Variants in EYS observed in about 807,000 individuals in gnomAD.
EYS encodes protein eyes shut homolog.
EYS carries 250 observed loss-of-function variants against 282.1 expected under a neutral mutation model. The ratio of observed to expected loss-of-function variants is 0.89; its 90% CI spans 0.80 to 0.98. The LOEUF is 0.98. Among genes scored for constraint, EYS ranks in the 50% least tolerant of loss-of-function variants. The pLI is 0.00. For synonymous variants in EYS, 1,355 were observed against 1,282.9 expected (o/e 1.06, Z -1.20); for missense variants, 4,016 against 3,709.0 (o/e 1.08, Z -2.15).
intron 24 of EYS, among the ~76,000 whole-genome samples, chr6:64,603,071 C>A (rs1235799238): frequency 1.3e-5 from 2 of 151,980 alleles, no homozygotes; most frequent in East Asian, 3.9e-4. Flanking sequence ...TATGTAATAT[C>A]ATGGATGCTA....
chr6:64,380,508 A>C (rs1253704989), intron 29 of EYS, among the ~76,000 whole-genome samples: 4 of 152,204 alleles, frequency 2.6e-5, no homozygotes, highest in Non-Finnish European at 5.9e-5. Context: ...CTTTATGTGA[A>C]ATATAAACTT....
At chr6:65,682,909 C>T (rs1442912022) in intron 1 of EYS, among the ~76,000 whole-genome samples, 1 of 151,794 alleles carries the variant, frequency 6.6e-6, no homozygotes, top group Non-Finnish European at 1.5e-5. Flanking sequence ...GAAATATAAA[C>T]GCGGTCATGG....
chr6:64,481,830 T>G (rs1205997456), intron 26 of EYS, among the ~76,000 whole-genome samples: 3 of 151,788 alleles, frequency 2.0e-5, no homozygotes, highest in South Asian at 2.1e-4. Flanking sequence ...ATACCTACTT[T>G]GTGCAAATAA....
In EYS at chr6:64,902,216, T is replaced by TA; in HGVS notation, c.2742dup (p.Ile915TyrfsTer12). 1 of 1,549,440 alleles carries TA rather than the reference T, an allele frequency of 6.5e-7. No homozygotes were observed. The highest frequency in any genetic ancestry group is 8.7e-7 in the Non-Finnish European group (1 of 1,145,424). ...GATCCAGAAAACCCAGGTCTGCAAA[T>TA]ACACCTTTTAAACAAAAAATTTAGT... On this transcript the variant is annotated frameshift_variant, in exon 18 of 43. Coordinates refer to ENST00000503581, the MANE Select transcript of EYS (RefSeq NM_001142800.2). LOFTEE classifies it high-confidence loss of function.
chr6:64,938,330 G>A (rs1383588463), intron 15 of EYS, among the ~76,000 whole-genome samples: 3 of 150,036 alleles, frequency 2.0e-5, no homozygotes, highest in Non-Finnish European at 4.4e-5. Context: ...AGTATAATAA[G>A]ATATTTTGAG....
At chr6:64,272,973 C>A (rs1228017988) in intron 30 of EYS, among the ~76,000 whole-genome samples, 1 of 151,942 alleles carries the variant, frequency 6.6e-6, no homozygotes, top group Non-Finnish European at 1.5e-5. Flanking sequence ...CTTATTCATT[C>A]CCTTAATGTT....
chr6:64,619,432 C>T (rs936086117), intron 23 of EYS, among the ~76,000 whole-genome samples: 1 of 151,942 alleles, frequency 6.6e-6, no homozygotes, highest in Non-Finnish European at 1.5e-5. Context: ...TGTACTCAAC[C>T]CCACTAAAAT....
At chr6:64,303,570 C>T (rs1012939142) in intron 30 of EYS, among the ~76,000 whole-genome samples, 10 of 152,018 alleles carry the variant, frequency 6.6e-5, no homozygotes, top group East Asian at 1.9e-4. Flanking sequence ...TAGCCGGGCG[C>T]GGTGGCTCAC....
At chr6:65,398,054 C>T (rs940617491) in intron 7 of EYS, among the ~76,000 whole-genome samples, 4 of 151,912 alleles carry the variant, frequency 2.6e-5, no homozygotes, top group Non-Finnish European at 5.9e-5. Flanking sequence ...TTTATATCTT[C>T]TTTTAAAAAA....
intron 9 of EYS, among the ~76,000 whole-genome samples, chr6:65,344,932 T>C (rs768219258): frequency 2.6e-5 from 4 of 151,710 alleles, no homozygotes; most frequent in South Asian, 2.1e-4. Flanking sequence ...GAGGACAGTA[T>C]TTATCTAAAG....
intron 36 of EYS, among the ~76,000 whole-genome samples, chr6:63,851,624 T>C (rs1018136205): frequency 2.0e-5 from 3 of 152,150 alleles, no homozygotes; most frequent in African/African-American, 7.2e-5. Context: ...TTGAAACTAA[T>C]GAGAACAAAG....
chr6:63,970,344 C>T (rs1766503859), intron 35 of EYS, among the ~76,000 whole-genome samples: 1 of 152,134 alleles, frequency 6.6e-6, no homozygotes, highest in South Asian at 2.1e-4. Context: ...GATAGAAGAT[C>T]TGTGGGATGG....
intron 26 of EYS, among the ~76,000 whole-genome samples, chr6:64,585,132 A>C (rs568556751): frequency 1.3e-5 from 2 of 152,126 alleles, no homozygotes; most frequent in Non-Finnish European, 2.9e-5. Context: ...TGAATACTAC[A>C]CAGCCATAAA....
chr6:64,854,682 T>C (rs532288176), intron 19 of EYS, among the ~76,000 whole-genome samples: 29 of 152,052 alleles, frequency 1.9e-4, no homozygotes, highest in African/African-American at 6.5e-4. Flanking sequence ...ACATGGCACA[T>C]GTATACATAT....
intron 5 of EYS, among the ~76,000 whole-genome samples, chr6:65,485,763 C>G: frequency 6.6e-6 from 1 of 152,052 alleles, no homozygotes; most frequent in East Asian, 1.9e-4. Flanking sequence ...CGAGATTCAC[C>G]ACTGCACTCC....
At position 64,626,180 on chromosome 6, in the gene EYS, C is replaced by T. The variant is rs1767603582; in HGVS notation, c.3509G>A (p.Cys1170Tyr). ...ATCTTCACAGTCTGCACCATGTAGA[C>T]ATGGTGATGAAGAGCATTCATTTAT... ...ININECSSSP[C>Y]LHGADCEDHI... is the part of the protein sequence containing the mutation. Residue 1170 changes from cysteine to tyrosine, a missense_variant, in exon 23 of 43, where the codon TGT becomes TAT. Transcript: ENST00000503581. The T allele has an allele frequency of 1.3e-6, 2 of 1,544,390 alleles. No homozygotes were observed. Among genetic ancestry groups the T allele is most frequent in the Non-Finnish European group, 1.7e-6 (2 of 1,145,078 alleles).
At chr6:64,454,835 G>C (rs1264443270) in intron 26 of EYS, among the ~76,000 whole-genome samples, 1 of 152,052 alleles carries the variant, frequency 6.6e-6, no homozygotes, top group Non-Finnish European at 1.5e-5. Context: ...TTATCTTCTT[G>C]TATGTGGATA....
intron 31 of EYS, among the ~76,000 whole-genome samples, chr6:64,107,600 T>TA (rs1773073188): frequency 6.6e-6 from 1 of 152,002 alleles, no homozygotes; most frequent in Non-Finnish European, 1.5e-5. Context: ...ACTCAAATGT[T>TA]AATCTCCTTT....
At chr6:65,592,916 T>C (rs1291686803) in intron 2 of EYS, among the ~76,000 whole-genome samples, 1 of 152,040 alleles carries the variant, frequency 6.6e-6, no homozygotes, top group Non-Finnish European at 1.5e-5. Flanking sequence ...CATCCTTCTC[T>C]ACCACATAGC....
Sources: allele counts gnomAD v4.1 joint callset (sites outside exome capture counted in the v4.1 genomes callset), GRCh38; gene constraint gnomAD v4.1.1; transcripts MANE v1.5; gene names NCBI Gene and HGNC (gene_info 2026-07-23, HGNC 2026-07-21).